Variants in CTDSPL observed in about 807,000 individuals in gnomAD.
The protein encoded by CTDSPL is CTD small phosphatase like.
Under a neutral mutation model 30.5 loss-of-function variants are expected in CTDSPL, and 8 were observed. That is an observed-to-expected ratio of 0.26 (90% confidence interval 0.15 to 0.47). The LOEUF is 0.47. Among genes scored for constraint, CTDSPL ranks in the 20% least tolerant of loss-of-function variants. The pLI is 0.99. For synonymous variants in CTDSPL, 110 were observed against 137.9 expected (o/e 0.80, Z 1.42); for missense variants, 248 against 366.1 (o/e 0.68, Z 2.63).
intron 7 of CTDSPL, among the ~76,000 whole-genome samples, chr3:37,978,912 T>C (rs1292025500): frequency 1.3e-5 from 2 of 152,212 alleles, no homozygotes; most frequent in Non-Finnish European, 2.9e-5. Flanking sequence ...GAAAACTAAA[T>C]CATAAGTTCA....
At chr3:37,978,749 C>T (rs1226202074) in intron 7 of CTDSPL, among the ~76,000 whole-genome samples, 1 of 152,184 alleles carries the variant, frequency 6.6e-6, no homozygotes, top group Non-Finnish European at 1.5e-5. Context: ...TGCCTCAGCC[C>T]TGGAACCAGC....
chr3:37,890,955 C>G (rs1698318526), intron 1 of CTDSPL, among the ~76,000 whole-genome samples: 1 of 152,220 alleles, frequency 6.6e-6, no homozygotes, highest in Non-Finnish European at 1.5e-5. Context: ...AATCCACTCA[C>G]CAGCGGAATA....
chr3:37,953,605 A>G (rs1183869585), intron 2 of CTDSPL, among the ~76,000 whole-genome samples: 5 of 152,252 alleles, frequency 3.3e-5, no homozygotes, highest in Non-Finnish European at 7.3e-5. Flanking sequence ...CAGATCAAGC[A>G]GAAAGCAAGA....
chr3:37,890,459 A>G (rs149298447), intron 1 of CTDSPL, among the ~76,000 whole-genome samples: 14 of 152,200 alleles, frequency 9.2e-5, no homozygotes, highest in Non-Finnish European at 1.5e-4. Flanking sequence ...AGAAATGACA[A>G]TATTAGTATA....
At position 37,967,855 on chromosome 3, in the gene CTDSPL, G is replaced by A. The variant is rs778748241; in HGVS notation, c.399G>A (p.Pro133=). The A allele has an allele frequency of 3.8e-5, 60 of 1,599,100 alleles. No individual in the cohort carries two copies. Among genetic ancestry groups the A allele is most frequent in the Non-Finnish European group, 4.9e-5 (58 of 1,175,612 alleles). ...TTAGTAATGCTGATTTTATTGTTCC[G>A]GTTGAAATCGATGGAACTATACATC... ...KPISNADFIV[P]VEIDGTIHQV... Residue 133 remains proline, a synonymous_variant, in exon 5 of 8, where the codon CCG becomes CCA. Coordinates refer to ENST00000273179, the MANE Select transcript of CTDSPL (RefSeq NM_001008392.2).
At chr3:37,952,697 C>G (rs1348145328) in intron 2 of CTDSPL, among the ~76,000 whole-genome samples, 1 of 152,162 alleles carries the variant, frequency 6.6e-6, no homozygotes, top group Admixed American at 6.5e-5. Flanking sequence ...TTGGGTATAG[C>G]CATTTGTCAC....
intron 1 of CTDSPL, among the ~76,000 whole-genome samples, chr3:37,874,949 T>C (rs184146075): frequency 4.6e-5 from 7 of 152,264 alleles, no homozygotes; most frequent in Non-Finnish European, 7.4e-5. Context: ...ACATTTAAAG[T>C]TCAGTATTTT....
chr3:37,872,185 G>A (rs1417448473), intron 1 of CTDSPL, among the ~76,000 whole-genome samples: 2 of 152,002 alleles, frequency 1.3e-5, no homozygotes. Context: ...TTGTAGAGTC[G>A]GGGGTCAGCC....
intron 1 of CTDSPL, among the ~76,000 whole-genome samples, chr3:37,937,272 T>G (rs1159291246): frequency 6.7e-6 from 1 of 150,120 alleles, no homozygotes; most frequent in African/African-American, 2.4e-5. Flanking sequence ...CATATTGGGG[T>G]GCCGTTGCCA....
At chr3:37,876,169 G>A (rs904274747) in intron 1 of CTDSPL, among the ~76,000 whole-genome samples, 7 of 152,030 alleles carry the variant, frequency 4.6e-5, no homozygotes, top group Admixed American at 2.0e-4. Context: ...GCTTGAGCCT[G>A]GGAGGTGGAG....
At chr3:37,922,878 C>G (rs1310616638) in intron 1 of CTDSPL, among the ~76,000 whole-genome samples, 2 of 152,226 alleles carry the variant, frequency 1.3e-5, no homozygotes, top group Admixed American at 1.3e-4. Context: ...CCAGCACAGG[C>G]TCAGAGCCCA....
At chr3:37,972,229 G>A (rs1472521789) in intron 6 of CTDSPL, among the ~76,000 whole-genome samples, 1 of 152,212 alleles carries the variant, frequency 6.6e-6, no homozygotes, top group Non-Finnish European at 1.5e-5. Context: ...GGGCGCGGTT[G>A]CTCATGCCTG....
intron 1 of CTDSPL, among the ~76,000 whole-genome samples, chr3:37,879,669 C>G (rs1297532943): frequency 2.0e-5 from 3 of 152,186 alleles, no homozygotes; most frequent in Non-Finnish European, 4.4e-5. Flanking sequence ...GTGTCACCTT[C>G]TCTTGACACC....
chr3:37,922,954 G>A (rs77072819), intron 1 of CTDSPL, among the ~76,000 whole-genome samples: 3 of 152,346 alleles, frequency 2.0e-5, no homozygotes, highest in East Asian at 3.9e-4. Flanking sequence ...GGGACAGTAA[G>A]GGGTGAGTTC....
chr3:37,954,245 A>G (rs748261413), intron 2 of CTDSPL, among the ~76,000 whole-genome samples: 9 of 152,252 alleles, frequency 5.9e-5, no homozygotes, highest in Admixed American at 6.5e-5. Context: ...ACTTGGAGTT[A>G]CTGTTCATTC....
At chr3:37,883,356 C>G (rs535478517) in intron 1 of CTDSPL, among the ~76,000 whole-genome samples, 95 of 152,310 alleles carry the variant, frequency 6.2e-4, no homozygotes, top group Non-Finnish European at 1.1e-3. Flanking sequence ...AATTTTTAAC[C>G]TGGAGTCCAC....
chr3:37,882,872 C>T (rs1447716831), intron 1 of CTDSPL, among the ~76,000 whole-genome samples: 1 of 152,168 alleles, frequency 6.6e-6, no homozygotes, highest in East Asian at 1.9e-4. Context: ...ACTGGAGCCA[C>T]GTCAGACCCC....
At chr3:37,952,393 A>G (rs925929319) in intron 2 of CTDSPL, among the ~76,000 whole-genome samples, 4 of 152,168 alleles carry the variant, frequency 2.6e-5, no homozygotes, top group African/African-American at 9.7e-5. Flanking sequence ...CTGCTCCCCT[A>G]TCCTTGGTAT....
At chr3:37,866,420 A>G (rs1040272053) in intron 1 of CTDSPL, among the ~76,000 whole-genome samples, 1 of 152,186 alleles carries the variant, frequency 6.6e-6, no homozygotes, top group South Asian at 2.1e-4. Context: ...CCTCTGGGAG[A>G]AGACTGGACA....
Sources: gnomAD v4.1 joint callset for allele counts (sites outside exome capture counted in the v4.1 genomes callset) on GRCh38, gnomAD v4.1.1 for gene constraint, MANE v1.5 for transcripts, NCBI Gene and HGNC (gene_info 2026-07-23, HGNC 2026-07-21) for gene names.